The following HOMER2 variants were observed in gnomAD, a reference collection of about 807,000 sequenced individuals.
HOMER2 encodes the protein homer scaffold protein 2.
HOMER2 carries 27 observed loss-of-function variants against 47.0 expected under a neutral mutation model. That is an observed-to-expected ratio of 0.57 (90% confidence interval 0.42 to 0.79). The LOEUF is 0.79. Ranked by LOEUF, HOMER2 falls within the 30% of genes least tolerant of loss-of-function variation. HOMER2 has a pLI of 0.00. For synonymous variants in HOMER2, 161 were observed against 163.8 expected, an observed-to-expected ratio of 0.98 and a Z score of 0.13; for missense variants, 443 against 435.0, an observed-to-expected ratio of 1.02 and a Z score of -0.16.
intron 2 of HOMER2, among the ~76,000 whole-genome samples, chr15:82,880,899 A>G (rs1247535285): frequency 6.6e-6 from 1 of 152,196 alleles, no homozygotes; most frequent in African/African-American, 2.4e-5. Context: ...GCCAGCAACC[A>G]AGGAAGAATT....
In HOMER2 at chr15:82,849,660, C is replaced by A; in HGVS notation, c.*55G>T. On this transcript the variant is annotated 3_prime_UTR_variant, in exon 9 of 9. Transcript: ENST00000450735. ...ACACAGAAGAACGTCCTAGAGCTAT[C>A]TGGTCTCGCACACACGCTTGGGACT... is the stretch of plus-strand genomic sequence containing the variant. 3 of 1,495,522 alleles carry A rather than the reference C, an allele frequency of 2.0e-6. No individual in the cohort carries two copies. Among genetic ancestry groups the A allele is most frequent in the Non-Finnish European group, 2.7e-6 (3 of 1,094,252 alleles). 92.6% of individuals were successfully genotyped at this position (1,495,522 alleles called of 1,614,324 possible).
chr15:82,860,809 C>T (rs1160983426), intron 4 of HOMER2, among the ~76,000 whole-genome samples: 3 of 151,768 alleles, frequency 2.0e-5, no homozygotes, highest in Non-Finnish European at 4.4e-5. Flanking sequence ...TGGTGGCAGG[C>T]GCCTGTAATC....
chr15:82,952,726 G>A, upstream of HOMER2: 1 of 980,888 alleles, frequency 1.0e-6, no homozygotes, highest in Non-Finnish European at 1.2e-6. Flanking sequence ...GGCGCGGGCG[G>A]GCGGGGGCTG....
At chr15:82,972,676 C>T (rs1291281126) in intron 1 of HOMER2, among the ~76,000 whole-genome samples, 2 of 151,824 alleles carry the variant, frequency 1.3e-5, no homozygotes, top group African/African-American at 2.4e-5. Flanking sequence ...GAGCAAAACT[C>T]TGCCTTAAAA....
At chr15:82,844,750 C>G (rs1425433492), downstream of HOMER2, 1 of 152,206 alleles carries the variant, frequency 6.6e-6, no homozygotes, top group African/African-American at 2.4e-5. Flanking sequence ...ATCCACTCCA[C>G]TCTTCTCATT....
Position 82,851,135 on chromosome 15 carries a change from C to T in HOMER2, c.843+16G>A, listed in dbSNP as rs751585739. On this transcript the variant is annotated intron_variant, in intron 8 of 8. Transcript: ENST00000450735. Reference sequence around the variant, plus strand: ...TCTTGTCTGAGCCAGGATGGCTGTGCCCCCAACCCACGTACCTCTAGCTTC... The same window carrying T: ...TCTTGTCTGAGCCAGGATGGCTGTGTCCCCAACCCACGTACCTCTAGCTTC... 5 of 1,550,172 alleles carry T rather than the reference C, an allele frequency of 3.2e-6. No individual in the cohort carries two copies. Among genetic ancestry groups the T allele is most frequent in the East Asian group, 4.6e-5 (2 of 43,280 alleles).
intron 1 of HOMER2, among the ~76,000 whole-genome samples, chr15:82,976,604 G>T (rs1243713201): frequency 4.7e-5 from 7 of 149,654 alleles, no homozygotes; most frequent in African/African-American, 1.5e-4. Context: ...TTTATATACT[G>T]CATATATTAC....
At chr15:82,868,040 T>TA (rs1214934437) in intron 3 of HOMER2, among the ~76,000 whole-genome samples, 4 of 152,110 alleles carry the variant, frequency 2.6e-5, no homozygotes, top group South Asian at 2.1e-4. Flanking sequence ...CCCTTATTCT[T>TA]AAAAAAATAT....
exon 2 of HOMER2, chr15:82,842,396 C>T (rs2051185040): frequency 6.6e-6 from 1 of 151,366 alleles, no homozygotes; most frequent in Admixed American, 6.6e-5. Context: ...CCTCTGCCTC[C>T]TGGGTTCACT....
intron 1 of HOMER2, among the ~76,000 whole-genome samples, chr15:82,900,008 T>G (rs1214992468): frequency 6.6e-6 from 1 of 151,214 alleles, no homozygotes; most frequent in East Asian, 1.9e-4. Flanking sequence ...GGCAACACAG[T>G]AGGTGAGACT....
At chr15:82,954,069 T>G (rs1205580925), upstream of HOMER2, among the ~76,000 whole-genome samples, 1 of 151,944 alleles carries the variant, frequency 6.6e-6, no homozygotes, top group Non-Finnish European at 1.5e-5. Flanking sequence ...AGAGCCAGAC[T>G]GTCTCAAAAA....
chr15:82,899,564 C>A (rs1477158472), intron 1 of HOMER2, among the ~76,000 whole-genome samples: 1 of 152,238 alleles, frequency 6.6e-6, no homozygotes, highest in Non-Finnish European at 1.5e-5. Flanking sequence ...AAAATCCACA[C>A]AGTAACGTTA....
chr15:82,937,943 T>G (rs1333591560), intron 1 of HOMER2, among the ~76,000 whole-genome samples: 1 of 152,226 alleles, frequency 6.6e-6, no homozygotes, highest in Non-Finnish European at 1.5e-5. Flanking sequence ...AACCGGTCCC[T>G]GAAGGCTGTT....
chr15:82,951,156 G>A (rs1424141764), intron 1 of HOMER2, among the ~76,000 whole-genome samples: 1 of 152,164 alleles, frequency 6.6e-6, no homozygotes, highest in Non-Finnish European at 1.5e-5. Flanking sequence ...CAACTTGGGT[G>A]CCTCTGGGTA....
rs192274927 is a variant in HOMER2, at chr15:82,877,233, G to T, written c.163-1829C>A. On this transcript the variant is annotated intron_variant, in intron 2 of 8. Transcript: ENST00000450735. ...CACCCAGGCTGGAGTACAATGGCAT[G>T]ATCAAGGCTCACTGCAACCTCCACC... Among the ~76,000 whole-genome samples the T allele has an allele frequency of 1.4e-3, 213 of 152,182 alleles. 1 individual carries two copies. The highest frequency in any genetic ancestry group is 2.3e-3 in the South Asian group (11 of 4,814).
At chr15:82,917,282 C>T (rs1271534938) in intron 1 of HOMER2, among the ~76,000 whole-genome samples, 2 of 152,232 alleles carry the variant, frequency 1.3e-5, no homozygotes, top group Non-Finnish European at 2.9e-5. Flanking sequence ...TAAGAAGTCA[C>T]ATATAACCGC....
At chr15:82,861,165 A>G (rs1480643909) in intron 4 of HOMER2, among the ~76,000 whole-genome samples, 1 of 152,202 alleles carries the variant, frequency 6.6e-6, no homozygotes, top group Non-Finnish European at 1.5e-5. Context: ...AGTTTGTGGT[A>G]TGCATCACAA....
At chr15:82,983,053 A>G (rs189586226) in intron 1 of HOMER2, among the ~76,000 whole-genome samples, 1 of 152,208 alleles carries the variant, frequency 6.6e-6, no homozygotes, top group African/African-American at 2.4e-5. Context: ...TAGTACACCT[A>G]ATCTACCAAA....
At chr15:82,930,851 C>A (rs2053988019) in intron 1 of HOMER2, among the ~76,000 whole-genome samples, 2 of 152,210 alleles carry the variant, frequency 1.3e-5, no homozygotes, top group South Asian at 4.1e-4. Context: ...CATAATGAAA[C>A]CCCGTCTCTA....
Sources: gnomAD v4.1 joint callset for allele counts (sites outside exome capture counted in the v4.1 genomes callset) on GRCh38, gnomAD v4.1.1 for gene constraint, MANE v1.5 for transcripts, NCBI Gene and HGNC (gene_info 2026-07-23, HGNC 2026-07-21) for gene names.